DCLRE1A: variants seen among roughly 807,000 people sequenced by gnomAD.
DCLRE1A encodes DNA cross-link repair 1A protein.
In DCLRE1A, 64 loss-of-function variants were observed where a neutral mutation model predicts 91.9. The ratio of observed to expected loss-of-function variants is 0.70; its 90% CI spans 0.57 to 0.86. The LOEUF is 0.86. DCLRE1A is among the 40% of genes least tolerant of loss of function. The probability of loss-of-function intolerance (pLI) is 0.00; values close to 1 mark genes in which losing one functional copy is unlikely to be tolerated. For missense variants in DCLRE1A, 1,145 were observed against 1,213.3 expected (o/e 0.94, Z 0.84); for synonymous variants, 416 against 431.1 (o/e 0.96, Z 0.43).
Position 113,841,562 on chromosome 10 carries a change from T to G in DCLRE1A, c.2666-2A>C. 1 of 1,596,814 alleles carries G rather than the reference T, an allele frequency of 6.3e-7. No homozygotes were observed. Among genetic ancestry groups the G allele is most frequent in the Non-Finnish European group, 8.5e-7 (1 of 1,175,054 alleles). ...TTGAACCTAAAACATCAGCAATGGCTATGGGCAAAAGAAAAGATTAAAAAT... is the reference window on the plus strand; with the variant it reads ...TTGAACCTAAAACATCAGCAATGGCGATGGGCAAAAGAAAAGATTAAAAAT... On this transcript the variant is annotated splice_acceptor_variant, in intron 6 of 8. Coordinates refer to ENST00000361384, the MANE Select transcript of DCLRE1A (RefSeq NM_014881.5). LOFTEE classifies it high-confidence loss of function.
intron 4 of DCLRE1A, among the ~76,000 whole-genome samples, chr10:113,844,563 C>T (rs1466187415): frequency 6.6e-6 from 1 of 152,180 alleles, no homozygotes; most frequent in Non-Finnish European, 1.5e-5. Context: ...TTTTGTATGC[C>T]TGAGACATTG....
Position 113,837,202 on chromosome 10 carries a change from C to A in DCLRE1A, c.2822G>T (p.Gly941Val). The part of the protein sequence containing the change: ...LLPMMQINFK[G>V]LQSHLKKCGG... ...ACACTTCTTCAAATGACTCTGTAAG[C>A]CCTGTTAAATTAAAATAGCATATTG... is the stretch of plus-strand genomic sequence containing the variant. Residue 941 changes from glycine to valine, a missense_variant and splice_region_variant, in exon 8 of 9, where the codon GGC becomes GTC. Transcript: ENST00000361384. 1 of 1,607,050 alleles carries A rather than the reference C, an allele frequency of 6.2e-7. No homozygotes were observed. The highest frequency in any genetic ancestry group is 8.5e-7 in the Non-Finnish European group (1 of 1,177,844).
At position 113,852,949 on chromosome 10, in the gene DCLRE1A, A is replaced by G. The variant is rs766772162; in HGVS notation, c.234T>C (p.Ser78=). The change falls in exon 1 of 9, where the codon TCT becomes TCC. Residue 78 remains serine, a synonymous_variant. Coordinates refer to ENST00000361384, the MANE Select transcript of DCLRE1A (RefSeq NM_014881.5). ...GNAGCQTSVA[S]SQNSSCGDGI... ...CATCTCCACAACTTGAATTCTGACT[A>G]GAAGCAACAGAAGTCTGACAACCTG... 6.2e-7 allele frequency: 1 copy of G among 1,614,190 alleles called. No homozygotes were observed.
intron 2 of DCLRE1A, among the ~76,000 whole-genome samples, chr10:113,848,576 A>G (rs1845580721): frequency 6.6e-6 from 1 of 152,196 alleles, no homozygotes; most frequent in South Asian, 2.1e-4. Flanking sequence ...AAAACCTGTG[A>G]CATTTCCCAT....
chr10:113,840,974 C>A (rs903880810), intron 7 of DCLRE1A, among the ~76,000 whole-genome samples: 1 of 152,042 alleles, frequency 6.6e-6, no homozygotes, highest in Admixed American at 6.6e-5. Flanking sequence ...ATTTAATTGT[C>A]GCAACAAGTA....
rs1436997480 is a variant in DCLRE1A at position 113,837,178 on chromosome 10, CA to C, written c.2845del (p.Cys949ValfsTer25). On this transcript the variant is annotated frameshift_variant, in exon 8 of 9. Transcript: ENST00000361384. LOFTEE classifies it high-confidence loss of function. ...FKGLQSHLKK[C>X]GGKYNQILAF... ...CAAAATCTGATTGTATTTCCCACCACACTTCTTCAAATGACTCTGTAAGCCC... is the reference window on the plus strand; with the variant it reads ...CAAAATCTGATTGTATTTCCCACCACCTTCTTCAAATGACTCTGTAAGCCC... 1 of 1,612,414 alleles carries C rather than the reference CA, an allele frequency of 6.2e-7. No individual in the cohort carries two copies. The highest frequency in any genetic ancestry group is 1.7e-5 in the Admixed American group (1 of 59,672).
chr10:113,843,959 G>C, intron 5 of DCLRE1A, 145 bp downstream of exon 5: 4 of 1,122,616 alleles, frequency 3.6e-6, no homozygotes, highest in Non-Finnish European at 4.9e-6. Context: ...CCTTAAGCAA[G>C]TATATACATA....
intron 5 of DCLRE1A, among the ~76,000 whole-genome samples, chr10:113,843,385 T>C (rs1337309066): frequency 6.6e-6 from 1 of 152,168 alleles, no homozygotes. Flanking sequence ...ATTTATCCAG[T>C]GCTTAAAACT....
In DCLRE1A at chr10:113,850,435, C is replaced by G; in HGVS notation, c.670G>C (p.Val224Leu). 1 of 1,614,138 alleles carries G rather than the reference C, an allele frequency of 6.2e-7. No individual in the cohort carries two copies. The highest frequency in any genetic ancestry group is 8.5e-7 in the Non-Finnish European group (1 of 1,180,018). Residue 224 changes from valine (V) to leucine (L), a missense_variant, in exon 2 of 9, where the codon GTT (valine) becomes CTT (leucine). By Grantham distance (32) the Val-to-Leu change is conservative. Transcript: ENST00000361384. Reference sequence around the variant, plus strand: ...GTCATCAATAAGGGATCATTTGAAACCGAGTTATCAGTTTGGTTCTGATAC... The same window carrying G: ...GTCATCAATAAGGGATCATTTGAAAGCGAGTTATCAGTTTGGTTCTGATAC... ...SSYQNQTDNSVSNDPLLMTQY... is the reference protein window; with the variant it reads ...SSYQNQTDNSLSNDPLLMTQY...
chr10:113,851,434 A>T (rs1019530108), intron 1 of DCLRE1A, among the ~76,000 whole-genome samples: 6 of 152,146 alleles, frequency 3.9e-5, no homozygotes, highest in Non-Finnish European at 8.8e-5. Context: ...ATTTTACTGA[A>T]TTTTAACTTT....
chr10:113,838,095 A>G (rs1845390925), intron 7 of DCLRE1A, among the ~76,000 whole-genome samples: 1 of 152,144 alleles, frequency 6.6e-6, no homozygotes, highest in South Asian at 2.1e-4. Flanking sequence ...AATACCTACC[A>G]TAAGACAACC....
intron 4 of DCLRE1A, among the ~76,000 whole-genome samples, chr10:113,844,691 T>C (rs573037470): frequency 3.3e-5 from 5 of 152,174 alleles, no homozygotes; most frequent in Admixed American, 3.3e-4. Flanking sequence ...ATCCCAGCAC[T>C]TTGGGAGGCC....
intron 1 of DCLRE1A, among the ~76,000 whole-genome samples, chr10:113,850,895 C>T (rs867944072): frequency 5.9e-5 from 9 of 152,212 alleles, no homozygotes; most frequent in Middle Eastern, 6.8e-3. Flanking sequence ...TATCATACTA[C>T]CATGATTGAG....
intron 4 of DCLRE1A, 44 bp from the exon 5 acceptor site, chr10:113,844,288 C>T (rs1337976282): frequency 6.2e-7 from 1 of 1,607,074 alleles, no homozygotes; most frequent in Non-Finnish European, 8.5e-7. Context: ...CAGGCAAGCA[C>T]CTAAAGGAAC....
Position 113,850,003 on chromosome 10 carries a change from G to C in DCLRE1A, c.1102C>G (p.Arg368Gly), listed in dbSNP as rs572837565. ...TACAATCCTTCATCATACTTATCCC[G>C]AGTTAAGAAGCTGTTCACTTTGGGG... ...SCPKVNSFLT[R>G]DKYDEGLYRF... is the part of the protein sequence containing the mutation. The change falls in exon 2 of 9, where the codon CGG becomes GGG. Residue 368 changes from arginine (R) to glycine (G), a missense_variant. By Grantham distance (125) the Arg-to-Gly change is moderately radical. Coordinates refer to ENST00000361384, the MANE Select transcript of DCLRE1A (RefSeq NM_014881.5). 2 of 1,613,970 alleles carry C rather than the reference G, an allele frequency of 1.2e-6. No individual in the cohort carries two copies. The highest frequency in any genetic ancestry group is 1.7e-6 in the Non-Finnish European group (2 of 1,180,020).
rs1010688810 is a variant in DCLRE1A at position 113,845,934 on chromosome 10, C to G, written c.2260-131G>C. 3.6e-5 allele frequency: 29 copies of G among 804,478 alleles called. No homozygotes were observed. The African/African-American group carries it at 4.8e-4, about 13-fold the overall frequency. 49.8% of individuals were successfully genotyped at this position (804,478 alleles called of 1,614,324 possible). ...ATATTTAAGTAAACACTCCACAATG[C>G]CAGGAAGAATTTCCTATAATGGCTG... is the stretch of plus-strand genomic sequence containing the variant. On this transcript the variant is annotated intron_variant, in intron 3 of 8. Coordinates refer to ENST00000361384, the MANE Select transcript of DCLRE1A (RefSeq NM_014881.5).
chr10:113,847,079 T>A (rs1047196486), intron 3 of DCLRE1A, 123 bp downstream of exon 3: 1 of 987,650 alleles, frequency 1.0e-6, no homozygotes, highest in Non-Finnish European at 1.4e-6. Flanking sequence ...ATGTGGAATA[T>A]GTTTTCTCAT....
Position 113,847,352 on chromosome 10 carries a change from G to A in DCLRE1A, c.2126-17C>T, listed in dbSNP as rs1222149737. ...AGCCGGTTCCTGCAATAAAAATACCGACACAGTAGGTTGAGCAAGAGCTAA... is the reference window on the plus strand; with the variant it reads ...AGCCGGTTCCTGCAATAAAAATACCAACACAGTAGGTTGAGCAAGAGCTAA... On this transcript the variant is annotated splice_polypyrimidine_tract_variant and intron_variant, in intron 2 of 8. Transcript: ENST00000361384. 3.1e-6 allele frequency: 5 copies of A among 1,612,632 alleles called. No homozygotes were observed. Among genetic ancestry groups the A allele is most frequent in the African/African-American group, 2.7e-5 (2 of 74,926 alleles).
Position 113,834,907 on chromosome 10 carries a change from G to A in DCLRE1A, c.*245C>T, listed in dbSNP as rs1233694413. On this transcript the variant is annotated 3_prime_UTR_variant, in exon 9 of 9. Transcript: ENST00000361384. ...CTAAGGCTTGATGCAGAATATAACT[G>A]CCCATGGAGGGCAGGGGACAAGAAA... The A allele has an allele frequency of 1.1e-5, 4 of 353,826 alleles. No individual in the cohort carries two copies. Among genetic ancestry groups the A allele is most frequent in the Non-Finnish European group, 2.0e-5 (4 of 197,854 alleles). The allele number at this position is 353,826 out of a possible 1,614,324, so 21.9% of individuals were successfully genotyped here. A position where few individuals can be genotyped will look rare whatever the true frequency, so the allele number is the denominator to read the frequency against.
Sources: gnomAD v4.1 joint callset for allele counts (sites outside exome capture counted in the v4.1 genomes callset) on GRCh38, gnomAD v4.1.1 for gene constraint, MANE v1.5 for transcripts, NCBI Gene and HGNC (gene_info 2026-07-23, HGNC 2026-07-21) for gene names.